The following NUDCD3 variants were observed in gnomAD, a reference collection of about 807,000 sequenced individuals.
The protein encoded by NUDCD3 is nudC domain-containing protein 3.
In NUDCD3, 13 loss-of-function variants were observed where a neutral mutation model predicts 39.7. The ratio of observed to expected loss-of-function variants is 0.33; its 90% confidence interval spans 0.21 to 0.52. The LOEUF is 0.52. Among genes scored for constraint, NUDCD3 ranks in the 20% least tolerant of loss-of-function variants. The pLI is 0.96. For missense variants in NUDCD3, 453 were observed against 458.1 expected, an observed-to-expected ratio of 0.99 and a Z score of 0.10; for synonymous variants, 175 against 172.4, an observed-to-expected ratio of 1.02 and a Z score of -0.12.
chr7:44,387,646 A>G (rs781675614), intron 5 of NUDCD3, among the ~76,000 whole-genome samples: 11 of 152,202 alleles, frequency 7.2e-5, no homozygotes, highest in Non-Finnish European at 1.0e-4. Context: ...GGAGCCCTGC[A>G]GCCACCACAG....
At chr7:44,397,887 G>T (rs1798652164) in intron 4 of NUDCD3, among the ~76,000 whole-genome samples, 1 of 151,920 alleles carries the variant, frequency 6.6e-6, no homozygotes, top group Non-Finnish European at 1.5e-5. Context: ...TGCATCTTGG[G>T]GGTCCTGTCC....
At chr7:44,460,145 A>G (rs2116947852) in intron 2 of NUDCD3, among the ~76,000 whole-genome samples, 1 of 152,366 alleles carries the variant, frequency 6.6e-6, no homozygotes, top group Middle Eastern at 3.4e-3. Flanking sequence ...CACTAAATTC[A>G]GTGAATCAAC....
At chr7:44,388,789 C>T (rs756766352) in intron 5 of NUDCD3, among the ~76,000 whole-genome samples, 2 of 152,240 alleles carry the variant, frequency 1.3e-5, no homozygotes, top group Non-Finnish European at 2.9e-5. Context: ...TCCTGCATGT[C>T]GCTGAAGATC....
chr7:44,436,815 T>C (rs146515315), intron 2 of NUDCD3, among the ~76,000 whole-genome samples: 1 of 152,226 alleles, frequency 6.6e-6, no homozygotes, highest in Admixed American at 6.5e-5. Flanking sequence ...GAATTATTTG[T>C]TGGTTTACAG....
rs952786149 is a variant in NUDCD3, at chr7:44,476,392, G to A, written c.509+8576C>T. 3.3e-5 allele frequency among the ~76,000 whole-genome samples: 5 copies of A among 152,190 alleles called. No individual in the cohort carries two copies. In the South Asian group the frequency reaches 8.3e-4, roughly 25 times the overall value. ...TGTTATTTGGAGGTGGGGCCTTTGG[G>A]AGACGATTAGGTCATAAGGGCAGAT... On this transcript the variant is annotated intron_variant, in intron 2 of 5. Transcript: ENST00000355451.
At chr7:44,434,389 C>T (rs1447078169) in intron 2 of NUDCD3, among the ~76,000 whole-genome samples, 2 of 152,182 alleles carry the variant, frequency 1.3e-5, no homozygotes, top group African/African-American at 4.8e-5. Flanking sequence ...ACAAGCACCT[C>T]ACACTAACCA....
At chr7:44,475,312 A>C (rs929936426) in intron 2 of NUDCD3, among the ~76,000 whole-genome samples, 2 of 152,118 alleles carry the variant, frequency 1.3e-5, no homozygotes, top group African/African-American at 2.4e-5. Context: ...GGCTGTCACC[A>C]TACTGGCCAG....
intron 3 of NUDCD3, among the ~76,000 whole-genome samples, chr7:44,406,485 C>A (rs553901549): frequency 1.3e-5 from 2 of 152,316 alleles, no homozygotes; most frequent in East Asian, 1.9e-4. Flanking sequence ...AATGGAAACA[C>A]GACACAGAGG....
intron 4 of NUDCD3, among the ~76,000 whole-genome samples, chr7:44,400,820 T>C (rs980103563): frequency 1.3e-5 from 2 of 152,190 alleles, no homozygotes; most frequent in African/African-American, 4.8e-5. Context: ...CTGTTTCTTA[T>C]AAAGACAGGT....
In NUDCD3 at chr7:44,447,524, T is replaced by C. The variant is rs866541533; in HGVS notation, c.510-19821A>G. On this transcript the variant is annotated intron_variant, in intron 2 of 5. Transcript: ENST00000355451. ...AGCATCCAGCTCTCTTCCCCTTCTG[T>C]CCCTGTCACCACGTGAGGACACAGC... Among the ~76,000 whole-genome samples, 8 of 152,278 alleles carry C rather than the reference T, an allele frequency of 5.3e-5. 1 individual carries two copies. The Middle Eastern group carries it at 0.017, about 324-fold the overall frequency.
At chr7:44,481,318 T>C (rs550215372) in intron 2 of NUDCD3, 13 of 152,314 alleles carry the variant, frequency 8.5e-5, no homozygotes, top group African/African-American at 2.4e-4. Context: ...GCTAGGCCAG[T>C]CTGAAATCCA....
intron 4 of NUDCD3, 146 bp downstream of exon 4, chr7:44,404,294 G>A (rs1237643964): frequency 1.3e-6 from 1 of 771,866 alleles, no homozygotes; most frequent in Non-Finnish European, 2.1e-6. Flanking sequence ...GAGCAGTATG[G>A]AAAATGCTCA....
chr7:44,407,607 T>A (rs1219103921), intron 3 of NUDCD3, among the ~76,000 whole-genome samples: 11 of 143,992 alleles, frequency 7.6e-5, no homozygotes, highest in African/African-American at 2.6e-4. Context: ...GAAGACTGCA[T>A]CTTGTGAGAA....
intron 2 of NUDCD3, among the ~76,000 whole-genome samples, chr7:44,460,776 A>G (rs1280022834): frequency 6.6e-6 from 1 of 152,238 alleles, no homozygotes; most frequent in East Asian, 1.9e-4. Flanking sequence ...AAAAGTTTAA[A>G]CCCTGGATCC....
chr7:44,388,926 A>G (rs574661137), intron 5 of NUDCD3, among the ~76,000 whole-genome samples: 1 of 152,366 alleles, frequency 6.6e-6, no homozygotes, highest in Non-Finnish European at 1.5e-5. Flanking sequence ...GGACCACAGC[A>G]TCTTCAAGGT....
intron 2 of NUDCD3, among the ~76,000 whole-genome samples, chr7:44,461,529 G>C (rs1800015627): frequency 6.6e-6 from 1 of 152,186 alleles, no homozygotes; most frequent in African/African-American, 2.4e-5. Context: ...CTGCCTGTTA[G>C]GGATGCTATG....
chr7:44,395,856 T>C (rs547804897), intron 4 of NUDCD3, among the ~76,000 whole-genome samples: 1 of 152,342 alleles, frequency 6.6e-6, no homozygotes, highest in South Asian at 2.1e-4. Flanking sequence ...TTTTTGGCTG[T>C]TGTGAATAAT....
At chr7:44,388,395 C>T (rs979701860) in intron 5 of NUDCD3, among the ~76,000 whole-genome samples, 13 of 152,194 alleles carry the variant, frequency 8.5e-5, no homozygotes, top group Admixed American at 2.6e-4. Flanking sequence ...TCCCTCAGGA[C>T]GCCTGAATAA....
At chr7:44,393,957 T>C (rs1175218926) in intron 4 of NUDCD3, among the ~76,000 whole-genome samples, 1 of 152,146 alleles carries the variant, frequency 6.6e-6, no homozygotes, top group Non-Finnish European at 1.5e-5. Flanking sequence ...GTCCTAACAC[T>C]GCACCTTCCA....
Sources: allele counts gnomAD v4.1 joint callset (sites outside exome capture counted in the v4.1 genomes callset), GRCh38; gene constraint gnomAD v4.1.1; transcripts MANE v1.5; gene names NCBI Gene and HGNC (gene_info 2026-07-23, HGNC 2026-07-21).